PRR5L: variants seen among roughly 807,000 people sequenced by gnomAD.
The protein encoded by PRR5L is proline rich 5 like.
Under a neutral mutation model 36.4 loss-of-function variants are expected in PRR5L, and 21 were observed. The ratio of observed to expected loss-of-function variants is 0.58; its 90% CI spans 0.41 to 0.83. PRR5L has a LOEUF of 0.83. PRR5L is among the 40% of genes least tolerant of loss of function. PRR5L has a pLI of 0.00. For synonymous variants in PRR5L, 188 were observed against 197.0 expected, an observed-to-expected ratio of 0.95 and a Z score of 0.38; for missense variants, 381 against 473.3, an observed-to-expected ratio of 0.80 and a Z score of 1.81.
At chr11:36,363,718 G>A (rs1302036286) in intron 1 of PRR5L, among the ~76,000 whole-genome samples, 1 of 152,172 alleles carries the variant, frequency 6.6e-6, no homozygotes, top group Non-Finnish European at 1.5e-5. Flanking sequence ...CAGTCTTTCT[G>A]TACCTGCCTG....
rs1857985330 is a variant in PRR5L, at chr11:36,409,689, G to A, written c.245+6311G>A. Among the ~76,000 whole-genome samples, 4 of 152,192 alleles carry A rather than the reference G, an allele frequency of 2.6e-5. No homozygotes were observed. In the South Asian group the frequency reaches 8.3e-4, roughly 32 times the overall value. On this transcript the variant is annotated intron_variant, in intron 3 of 8. Coordinates refer to ENST00000530639, the MANE Select transcript of PRR5L (RefSeq NM_001160167.2). ...CCAGTCCCAGGCCTGATGCCACGAG[G>A]TAATGATAACTGCAGACACTTGCTT...
At chr11:36,409,928 T>G (rs1287674479) in intron 3 of PRR5L, among the ~76,000 whole-genome samples, 4 of 152,232 alleles carry the variant, frequency 2.6e-5, no homozygotes, top group African/African-American at 9.6e-5. Flanking sequence ...CCTTAGTAAG[T>G]GGGCTGCAAG....
chr11:36,376,356 AG>A, intron 1 of PRR5L: 2 of 1,115,818 alleles, frequency 1.8e-6, no homozygotes, highest in Non-Finnish European at 2.2e-6. Flanking sequence ...GAGGAGGAGG[AG>A]GAGGAGGAGG....
chr11:36,415,386 C>A (rs1008733383), intron 3 of PRR5L, among the ~76,000 whole-genome samples: 3 of 152,214 alleles, frequency 2.0e-5, no homozygotes, highest in African/African-American at 7.2e-5. Context: ...TTCTCCAAGG[C>A]TTTACATGTA....
In PRR5L at chr11:36,391,498, C is replaced by T. The variant is rs777104094; in HGVS notation, c.-125-9499C>T. On this transcript the variant is annotated intron_variant, in intron 1 of 8. Transcript: ENST00000530639. ...CTCCCAGTAACCCTGTAACTGCCACCGAATTTCCCGGACCCAGGGCCTGGG... is the reference window on the plus strand; with the variant it reads ...CTCCCAGTAACCCTGTAACTGCCACTGAATTTCCCGGACCCAGGGCCTGGG... Among the ~76,000 whole-genome samples the T allele has an allele frequency of 3.3e-5, 5 of 152,158 alleles. 1 individual carries two copies. Among genetic ancestry groups the T allele is most frequent in the Non-Finnish European group, 7.3e-5 (5 of 68,032 alleles).
intron 4 of PRR5L, 27 bp from the exon 5 acceptor site, chr11:36,431,826 C>T (rs1289976932): frequency 1.2e-6 from 2 of 1,612,228 alleles, no homozygotes; most frequent in African/African-American, 2.7e-5. Context: ...TGTCCAAATT[C>T]TTATGTTCTT....
chr11:36,337,914 T>G (rs77765493), intron 1 of PRR5L, among the ~76,000 whole-genome samples: 7,517 of 152,326 alleles, frequency 0.049, 208 homozygotes, highest in African/African-American at 0.08. Flanking sequence ...CAGGCTGATA[T>G]ATTCATCAGG....
chr11:36,304,564 C>A (rs1302550948), intron 1 of PRR5L, among the ~76,000 whole-genome samples: 1 of 152,166 alleles, frequency 6.6e-6, no homozygotes, highest in African/African-American at 2.4e-5. Flanking sequence ...CTTCCTCATT[C>A]TTTGATAGTT....
chr11:36,437,963 C>T (rs968288230), intron 6 of PRR5L, among the ~76,000 whole-genome samples: 3 of 152,190 alleles, frequency 2.0e-5, no homozygotes, highest in Admixed American at 6.5e-5. Context: ...AGGAAGAATG[C>T]TCGACTAGGA....
chr11:36,394,176 T>C (rs1275933467), intron 1 of PRR5L, among the ~76,000 whole-genome samples: 1 of 152,222 alleles, frequency 6.6e-6, no homozygotes, highest in African/African-American at 2.4e-5. Flanking sequence ...TAAGCCCTAC[T>C]TGAGTCATCT....
chr11:36,440,237 A>G (rs1453886722), intron 6 of PRR5L, among the ~76,000 whole-genome samples: 1 of 151,834 alleles, frequency 6.6e-6, no homozygotes, highest in Non-Finnish European at 1.5e-5. Context: ...CCTCCCCCCC[A>G]CCTATGCTGG....
Position 36,371,663 on chromosome 11 carries a change from G to T in PRR5L, c.-125-29334G>T, listed in dbSNP as rs115265224. On this transcript the variant is annotated intron_variant, in intron 1 of 8. Coordinates refer to ENST00000530639, the MANE Select transcript of PRR5L (RefSeq NM_001160167.2). ...TTGGAATACTTTTATATCATAGTAT[G>T]AGACACTAGGGTTATTGTGGAGGGA... Among the ~76,000 whole-genome samples the T allele has an allele frequency of 4.8e-3, 727 of 152,356 alleles. 7 individuals are homozygous for T. The highest frequency in any genetic ancestry group is 0.016 in the African/African-American group (684 of 41,580).
At chr11:36,360,268 T>C (rs113318200) in intron 1 of PRR5L, among the ~76,000 whole-genome samples, 42 of 152,288 alleles carry the variant, frequency 2.8e-4, no homozygotes, top group African/African-American at 8.9e-4. Context: ...AGTGTTGAGT[T>C]CTCAGGAAGG....
chr11:36,365,252 CT>C (rs138695355), intron 1 of PRR5L, among the ~76,000 whole-genome samples: 26 of 149,222 alleles, frequency 1.7e-4, no homozygotes, highest in African/African-American at 2.5e-4. Flanking sequence ...TGAAGCAGGG[CT>C]TTTTTTTTTC....
At chr11:36,417,106 C>G (rs1858161403) in intron 3 of PRR5L, among the ~76,000 whole-genome samples, 1 of 152,190 alleles carries the variant, frequency 6.6e-6, no homozygotes, top group East Asian at 1.9e-4. Context: ...CCTTGGGACA[C>G]CAATTCCACA....
rs770925189 is a variant in PRR5L at position 36,463,113 on chromosome 11, A to C, written c.*377A>C. 1 of 184,112 alleles carries C rather than the reference A, an allele frequency of 5.4e-6. No homozygotes were observed. Among genetic ancestry groups the C allele is most frequent in the Non-Finnish European group, 1.1e-5 (1 of 89,562 alleles). The allele number at this position is 184,112 out of a possible 1,614,324, so 11.4% of individuals were successfully genotyped here. A position where few individuals can be genotyped will look rare whatever the true frequency, so the allele number is the denominator to read the frequency against. On this transcript the variant is annotated 3_prime_UTR_variant, in exon 9 of 9. Coordinates refer to ENST00000530639, the MANE Select transcript of PRR5L (RefSeq NM_001160167.2). ...GAGCAGGAGGTTGTCAGGACAACAC[A>C]TATAACCACCAAGGATGTGTTGGCC...
At chr11:36,338,461 A>G (rs1856788605) in intron 1 of PRR5L, among the ~76,000 whole-genome samples, 2 of 152,230 alleles carry the variant, frequency 1.3e-5, no homozygotes, top group Admixed American at 1.3e-4. Flanking sequence ...AATGACCATG[A>G]GATCTCTTCA....
At chr11:36,452,589 G>A (rs1288664496) in intron 8 of PRR5L, among the ~76,000 whole-genome samples, 1 of 152,204 alleles carries the variant, frequency 6.6e-6, no homozygotes, top group East Asian at 1.9e-4. Context: ...GACACTGAAG[G>A]AAAACAGTCT....
intron 1 of PRR5L, among the ~76,000 whole-genome samples, chr11:36,346,412 G>T (rs1856866183): frequency 6.6e-6 from 1 of 151,956 alleles, no homozygotes; most frequent in Non-Finnish European, 1.5e-5. Flanking sequence ...TGAAACCCCG[G>T]CTCAACTAAA....
Sources: allele counts gnomAD v4.1 joint callset (sites outside exome capture counted in the v4.1 genomes callset), GRCh38; gene constraint gnomAD v4.1.1; transcripts MANE v1.5; gene names NCBI Gene and HGNC (gene_info 2026-07-23, HGNC 2026-07-21).